The following CLDN2 variants were observed in gnomAD, a reference collection of about 807,000 sequenced individuals.
CLDN2 encodes the protein claudin 2.
In CLDN2, 1 loss-of-function variant was observed where a neutral mutation model predicts 8.2. That is an observed-to-expected ratio of 0.12 (90% CI 0.04 to 0.58). The LOEUF (loss-of-function observed/expected upper bound fraction) is 0.58. Ranked by LOEUF, CLDN2 falls within the 20% of genes least tolerant of loss-of-function variation. The pLI, the probability that CLDN2 is intolerant of heterozygous loss-of-function variation, is 0.90. For synonymous variants in CLDN2, 70 were observed against 70.2 expected, an observed-to-expected ratio of 1.00 and a Z score of 0.01; for missense variants, 108 against 172.9, an observed-to-expected ratio of 0.62 and a Z score of 2.11.
At chrX:106,915,823 T>A (rs774532768), upstream of CLDN2, among the ~76,000 whole-genome samples, 1 of 111,015 alleles carries the variant, frequency 9.0e-6, no homozygotes, top group South Asian at 3.9e-4. Context: ...ATAATCATTT[T>A]GTCTCTCCTT....
chrX:106,928,973 C>A lies in CLDN2; in HGVS notation c.*52C>A. On this transcript the variant is annotated 3_prime_UTR_variant, in exon 2 of 2. Transcript: ENST00000336803. ...GGCTGGGTCTGTGAAAAACAGTGGA[C>A]AGCACCCCGAGGGCCACAGGTGAGG... is the stretch of plus-strand genomic sequence containing the variant. 9.5e-7 allele frequency: 1 copy of A among 1,047,504 alleles called. No homozygotes were observed. Among genetic ancestry groups the A allele is most frequent in the Non-Finnish European group, 1.3e-6 (1 of 758,132 alleles). The allele number at this position is 1,047,504 out of a possible 1,213,427, so 86.3% of individuals were successfully genotyped here.
intron 1 of CLDN2, among the ~76,000 whole-genome samples, chrX:106,901,878 T>G: frequency 8.9e-6 from 1 of 111,810 alleles, no homozygotes; most frequent in Non-Finnish European, 1.9e-5. Flanking sequence ...AGACGAGGCC[T>G]CAAGCACCAG....
chrX:106,915,046 C>A (rs1266304340), upstream of CLDN2, among the ~76,000 whole-genome samples: 1 of 112,041 alleles, frequency 8.9e-6, no homozygotes, highest in Non-Finnish European at 1.9e-5. Context: ...TCCTGGCAAC[C>A]ACTAATCTAT....
At chrX:106,913,100 ATT>A (rs142173484) in intron 1 of CLDN2, among the ~76,000 whole-genome samples, 4 of 104,507 alleles carry the variant, frequency 3.8e-5, no homozygotes, top group African/African-American at 1.4e-4. Context: ...AGTGCAATTG[ATT>A]TTTTTTTTTT....
intron 1 of CLDN2, among the ~76,000 whole-genome samples, chrX:106,905,086 G>C (rs1177639406): frequency 8.9e-6 from 1 of 112,477 alleles, no homozygotes; most frequent in Non-Finnish European, 1.9e-5. Flanking sequence ...TTTATCCATG[G>C]AGGAACGAAA....
chrX:106,909,356 T>C (rs903258631), intron 1 of CLDN2, among the ~76,000 whole-genome samples: 2 of 111,394 alleles, frequency 1.8e-5, no homozygotes, highest in African/African-American at 6.5e-5. Context: ...TGCCCAGCCC[T>C]ATCCTGCCAC....
chrX:106,910,097 T>C (rs1451418400), intron 1 of CLDN2, among the ~76,000 whole-genome samples: 1 of 110,672 alleles, frequency 9.0e-6, no homozygotes, highest in Non-Finnish European at 1.9e-5. Context: ...ACAGCCCCCT[T>C]TCCCAGCCTG....
upstream of CLDN2, among the ~76,000 whole-genome samples, chrX:106,918,992 T>C (rs1933351475): frequency 8.9e-6 from 1 of 112,516 alleles, no homozygotes; most frequent in Non-Finnish European, 1.9e-5. Flanking sequence ...GTCAGTATTA[T>C]GTGCAAAGAT....
At chrX:106,903,322 T>G (rs754457661) in intron 1 of CLDN2, 4 of 1,157,799 alleles carry the variant, frequency 3.5e-6, no homozygotes, top group Non-Finnish European at 4.6e-6. Context: ...GTCTCCTACT[T>G]CCCAGAACCT....
At chrX:106,927,178 G>A (rs961207403) in intron 1 of CLDN2, among the ~76,000 whole-genome samples, 10 of 111,695 alleles carry the variant, frequency 9.0e-5, no homozygotes, top group African/African-American at 2.3e-4. Flanking sequence ...TGGCAACACC[G>A]AGGGCTCCTT....
upstream of CLDN2, among the ~76,000 whole-genome samples, chrX:106,919,246 A>C (rs1170754182): frequency 4.5e-5 from 5 of 111,700 alleles, no homozygotes; most frequent in East Asian, 1.4e-3. Context: ...ATACATCAAA[A>C]TGTTAGCAAT....
At chrX:106,908,199 C>G (rs1933204451) in intron 1 of CLDN2, among the ~76,000 whole-genome samples, 1 of 112,090 alleles carries the variant, frequency 8.9e-6, no homozygotes, top group South Asian at 3.8e-4. Context: ...CTCAACAGAG[C>G]TTCTTCATAG....
At chrX:106,908,577 T>C (rs1933209443) in intron 1 of CLDN2, among the ~76,000 whole-genome samples, 2 of 108,271 alleles carry the variant, frequency 1.8e-5, no homozygotes, top group African/African-American at 3.4e-5. Flanking sequence ...CTTTTTTTTT[T>C]TTTTTGTTGT....
upstream of CLDN2, among the ~76,000 whole-genome samples, chrX:106,917,454 G>A (rs1003658633): frequency 2.7e-5 from 3 of 111,894 alleles, no homozygotes; most frequent in Admixed American, 9.4e-5. Context: ...TGGATTTGGT[G>A]ACATGCGGTC....
At chrX:106,902,550 T>C (rs1187132671) in intron 1 of CLDN2, among the ~76,000 whole-genome samples, 1 of 111,625 alleles carries the variant, frequency 9.0e-6, no homozygotes, top group Non-Finnish European at 1.9e-5. Flanking sequence ...AGACTAAATG[T>C]TTGGAGTAAT....
intron 1 of CLDN2, among the ~76,000 whole-genome samples, chrX:106,910,346 T>C (rs895148303): frequency 9.0e-6 from 1 of 111,318 alleles, no homozygotes; most frequent in African/African-American, 3.3e-5. Context: ...AAGTGCTTTA[T>C]TGTTTTATTA....
upstream of CLDN2, among the ~76,000 whole-genome samples, chrX:106,915,199 C>T (rs1376687047): frequency 8.9e-6 from 1 of 112,323 alleles, no homozygotes; most frequent in Non-Finnish European, 1.9e-5. Context: ...TAGTACATTC[C>T]TTTTGATTGT....
chrX:106,903,111 C>T (rs1569285258), intron 1 of CLDN2: 1 of 1,209,557 alleles, frequency 8.3e-7, no homozygotes, highest in Non-Finnish European at 1.1e-6. Flanking sequence ...GTTCAGGTTG[C>T]CAAAGGCTAA....
chrX:106,900,922 A>C, intron 1 of CLDN2: 1 of 1,206,585 alleles, frequency 8.3e-7, no homozygotes, highest in Non-Finnish European at 1.1e-6. Context: ...TGGACAGAGA[A>C]GAAACATGGC....
Sources: gnomAD v4.1 joint callset for allele counts (sites outside exome capture counted in the v4.1 genomes callset) on GRCh38, gnomAD v4.1.1 for gene constraint, MANE v1.5 for transcripts, NCBI Gene and HGNC (gene_info 2026-07-23, HGNC 2026-07-21) for gene names.